Variants in PDE10A observed in about 807,000 individuals in gnomAD.
PDE10A encodes the protein cAMP and cAMP-inhibited cGMP 3',5'-cyclic phosphodiesterase 10A.
A neutral mutation model predicts 97.7 loss-of-function variants in PDE10A; 39 were observed. The observed-to-expected ratio is 0.40, with a 90% CI of 0.31 to 0.52. The LOEUF is 0.52. PDE10A is among the 20% of genes least tolerant of loss of function. The probability of loss-of-function intolerance (pLI) is 0.56; values close to 1 mark genes in which losing one functional copy is unlikely to be tolerated. For missense variants in PDE10A, 731 were observed against 1,047.8 expected, an observed-to-expected ratio of 0.70 and a Z score of 4.17; for synonymous variants, 371 against 376.8, an observed-to-expected ratio of 0.98 and a Z score of 0.18.
intron 1 of PDE10A, among the ~76,000 whole-genome samples, chr6:165,710,240 G>C (rs1482370067): frequency 6.6e-6 from 1 of 152,184 alleles, no homozygotes; most frequent in African/African-American, 2.4e-5. Context: ...TCCTCAAGTA[G>C]AATATGAACC....
chr6:165,776,519 T>G (rs1778188872), intron 1 of PDE10A, among the ~76,000 whole-genome samples: 1 of 152,232 alleles, frequency 6.6e-6, no homozygotes, highest in African/African-American at 2.4e-5. Context: ...GTTTTTGATA[T>G]GCATATGCCG....
intron 1 of PDE10A, among the ~76,000 whole-genome samples, chr6:165,891,243 C>T (rs1225908125): frequency 1.3e-5 from 2 of 152,182 alleles, no homozygotes; most frequent in Non-Finnish European, 2.9e-5. Context: ...TCTGTATTTG[C>T]ATCTCATTTG....
In PDE10A at chr6:165,472,687, T is replaced by C. The variant is rs1421825242; in HGVS notation, c.1023+9628A>G. Among the ~76,000 whole-genome samples, 5 of 152,176 alleles carry C rather than the reference T, an allele frequency of 3.3e-5. No homozygotes were observed. The East Asian group carries it at 7.7e-4, about 23-fold the overall frequency. ...CAAATTAGGAATTCAAATCTAAGTG[T>C]CATTTACATTATACCAGAGAAGTTC... On this transcript the variant is annotated intron_variant, in intron 3 of 21. Transcript: ENST00000539869.
At chr6:165,447,304 T>A (rs1790924588) in intron 5 of PDE10A, among the ~76,000 whole-genome samples, 5 of 152,182 alleles carry the variant, frequency 3.3e-5, no homozygotes. Context: ...AGCCTCAACT[T>A]CAGGATTGTT....
At chr6:165,854,492 C>A (rs189835544) in intron 1 of PDE10A, among the ~76,000 whole-genome samples, 1 of 152,320 alleles carries the variant, frequency 6.6e-6, no homozygotes, top group Non-Finnish European at 1.5e-5. Context: ...CACCTCCGGG[C>A]GGCTCTCGCG....
chr6:165,340,591 A>G (rs1487646416), intron 19 of PDE10A, among the ~76,000 whole-genome samples: 1 of 152,256 alleles, frequency 6.6e-6, no homozygotes, highest in Admixed American at 6.5e-5. Context: ...CCAACAAGGA[A>G]ACAGCTTTTT....
At chr6:165,428,086 C>A (rs1346284641) in intron 10 of PDE10A, among the ~76,000 whole-genome samples, 1 of 151,968 alleles carries the variant, frequency 6.6e-6, no homozygotes, top group Non-Finnish European at 1.5e-5. Context: ...GTAGAAAGAA[C>A]ATTTATTAAA....
intron 1 of PDE10A, among the ~76,000 whole-genome samples, chr6:165,868,375 A>T (rs916694259): frequency 6.6e-6 from 1 of 152,090 alleles, no homozygotes; most frequent in Non-Finnish European, 1.5e-5. Context: ...AGAGACTATT[A>T]TGAACAACTA....
intron 1 of PDE10A, among the ~76,000 whole-genome samples, chr6:165,945,239 A>G (rs999641461): frequency 1.3e-5 from 2 of 152,182 alleles, no homozygotes; most frequent in Non-Finnish European, 1.5e-5. Context: ...ACCACCTTAG[A>G]ATCAGTTCCT....
upstream of PDE10A, among the ~76,000 whole-genome samples, chr6:165,667,667 C>T (rs1790531330): frequency 6.8e-6 from 1 of 148,020 alleles, no homozygotes; most frequent in Non-Finnish European, 1.5e-5. Context: ...GGCTTCTCTT[C>T]AATGACAGAA....
At chr6:165,641,103 G>T (rs541909727) in intron 1 of PDE10A, among the ~76,000 whole-genome samples, 12 of 152,284 alleles carry the variant, frequency 7.9e-5, no homozygotes, top group Admixed American at 4.6e-4. Context: ...AAGAGGGATG[G>T]ACCCAAGAGA....
intron 1 of PDE10A, among the ~76,000 whole-genome samples, chr6:165,634,650 A>G (rs1788790341): frequency 6.6e-6 from 1 of 152,230 alleles, no homozygotes; most frequent in Admixed American, 6.5e-5. Context: ...ACACGCCACA[A>G]AAGTGACACA....
intron 1 of PDE10A, among the ~76,000 whole-genome samples, chr6:165,767,248 T>G (rs1777878357): frequency 6.6e-6 from 1 of 152,260 alleles, no homozygotes; most frequent in African/African-American, 2.4e-5. Flanking sequence ...GAGTTGTTTA[T>G]GTAAATGTAT....
intron 7 of PDE10A, 86 bp from the exon 8 acceptor site, chr6:165,431,558 G>T: frequency 2.5e-6 from 1 of 400,168 alleles, no homozygotes; most frequent in Non-Finnish European, 4.3e-6. Flanking sequence ...TATATCATAT[G>T]TATAATACAT....
intron 1 of PDE10A, among the ~76,000 whole-genome samples, chr6:165,544,964 T>C (rs986136659): frequency 6.6e-6 from 1 of 152,028 alleles, no homozygotes; most frequent in African/African-American, 2.4e-5. Context: ...ATGCTAAAGA[T>C]AATTGGCTCA....
At chr6:165,427,879 C>G (rs966218814) in intron 10 of PDE10A, among the ~76,000 whole-genome samples, 2 of 152,020 alleles carry the variant, frequency 1.3e-5, no homozygotes, top group Non-Finnish European at 2.9e-5. Context: ...ATAGAAATAA[C>G]TTATCACATA....
At chr6:165,787,071 C>G in intron 1 of PDE10A, among the ~76,000 whole-genome samples, 1 of 151,928 alleles carries the variant, frequency 6.6e-6, no homozygotes, top group Non-Finnish European at 1.5e-5. Flanking sequence ...ATGAATAAGA[C>G]CTCACAGTTG....
intron 18 of PDE10A, among the ~76,000 whole-genome samples, chr6:165,366,799 C>T (rs980773379): frequency 6.6e-6 from 1 of 152,060 alleles, no homozygotes; most frequent in Admixed American, 6.6e-5. Context: ...AGAAATGGAA[C>T]CACCCAACTA....
At chr6:165,737,502 A>C (rs1792607608) in intron 1 of PDE10A, among the ~76,000 whole-genome samples, 1 of 152,256 alleles carries the variant, frequency 6.6e-6, no homozygotes, top group Non-Finnish European at 1.5e-5. Flanking sequence ...AACATGTGCA[A>C]ATCCATAAAG....
Sources: allele counts gnomAD v4.1 joint callset (sites outside exome capture counted in the v4.1 genomes callset), GRCh38; gene constraint gnomAD v4.1.1; transcripts MANE v1.5; gene names NCBI Gene and HGNC (gene_info 2026-07-23, HGNC 2026-07-21).